The following GRID1 variants were observed in gnomAD, a reference collection of about 807,000 sequenced individuals.
GRID1 encodes the protein glutamate ionotropic receptor delta type subunit 1.
In GRID1, 28 loss-of-function variants were observed where a neutral mutation model predicts 98.0. The observed-to-expected ratio is 0.29, with a 90% CI of 0.21 to 0.39. The LOEUF (loss-of-function observed/expected upper bound fraction) is 0.39, where lower values mean the gene tolerates loss of function less well. Ranked by LOEUF, GRID1 falls within the 10% of genes least tolerant of loss-of-function variation. GRID1 has a pLI of 1.00. For missense variants in GRID1, 1,111 were observed against 1,340.5 expected (o/e 0.83, Z 2.67); for synonymous variants, 553 against 538.5 (o/e 1.03, Z -0.37).
At position 85,987,012 on chromosome 10, in the gene GRID1, G is replaced by A. The variant is rs184198555; in HGVS notation, c.727-70773C>T. On this transcript the variant is annotated intron_variant, in intron 4 of 15. Transcript: ENST00000327946. ...CCCAGTCTAAGCTGCAGATGAGTCA[G>A]GACTTTCCTGCCCCACCCTAACCAG... Among the ~76,000 whole-genome samples, 102 of 152,152 alleles carry A rather than the reference G, an allele frequency of 6.7e-4. 1 individual carries two copies. The highest frequency in any genetic ancestry group is 6.0e-3 in the Admixed American group (92 of 15,294).
At chr10:86,304,926 C>T (rs536935948) in intron 2 of GRID1, among the ~76,000 whole-genome samples, 1 of 152,026 alleles carries the variant, frequency 6.6e-6, no homozygotes, top group South Asian at 2.1e-4. Context: ...TCCCTGTCTG[C>T]GGTGGTTAAT....
chr10:85,680,198 G>A (rs1841191749), intron 12 of GRID1, among the ~76,000 whole-genome samples: 1 of 152,130 alleles, frequency 6.6e-6, no homozygotes. Flanking sequence ...ACCCAGAAGG[G>A]CCCAGCTTAA....
rs186143332 is a variant in GRID1, at chr10:85,703,763, G to T, written c.1997+19240C>A. On this transcript the variant is annotated intron_variant, in intron 12 of 15. Transcript: ENST00000327946. ...AAATTTGAAATGCACAAGTGGACATGAGAAAAATAAAATCATATATTTATA... is the reference window on the plus strand; with the variant it reads ...AAATTTGAAATGCACAAGTGGACATTAGAAAAATAAAATCATATATTTATA... 2.5e-4 allele frequency among the ~76,000 whole-genome samples: 38 copies of T among 152,130 alleles called. No homozygotes were observed. In the Middle Eastern group the frequency reaches 0.014, roughly 54 times the overall value.
At chr10:85,928,766 T>C (rs1174139764) in intron 4 of GRID1, among the ~76,000 whole-genome samples, 1 of 152,238 alleles carries the variant, frequency 6.6e-6, no homozygotes, top group Non-Finnish European at 1.5e-5. Context: ...TTCATCTTTA[T>C]CCTTGTAAAT....
chr10:86,281,838 T>C (rs1847361768), intron 2 of GRID1, among the ~76,000 whole-genome samples: 1 of 152,188 alleles, frequency 6.6e-6, no homozygotes, highest in South Asian at 2.1e-4. Flanking sequence ...GGCAGCCAGG[T>C]TGAGACCCTG....
rs563833452 is a variant in GRID1, at chr10:85,774,405, A to G, written c.1234-44791T>C. On this transcript the variant is annotated intron_variant, in intron 8 of 15. Transcript: ENST00000327946. ...AAACCTAGGCATTACCATTCAGGAC[A>G]TAGGCATGGGCAAGAACTTCATGTC... Among the ~76,000 whole-genome samples, 4 of 152,358 alleles carry G rather than the reference A, an allele frequency of 2.6e-5. No homozygotes were observed. In the East Asian group the frequency reaches 7.7e-4, roughly 29 times the overall value.
At chr10:85,762,427 G>A (rs2132699845) in intron 8 of GRID1, among the ~76,000 whole-genome samples, 1 of 152,250 alleles carries the variant, frequency 6.6e-6, no homozygotes, top group East Asian at 1.9e-4. Flanking sequence ...GTCATTTGAT[G>A]GTAAATCCAA....
intron 3 of GRID1, among the ~76,000 whole-genome samples, chr10:86,163,404 ATTTCT>A (rs1376587862): frequency 7.6e-6 from 1 of 131,002 alleles, no homozygotes; most frequent in Admixed American, 7.7e-5. Context: ...GTTTTGACGC[ATTTCT>A]TTTTTTTTTT....
intron 5 of GRID1, among the ~76,000 whole-genome samples, chr10:85,891,198 C>T (rs1258055353): frequency 6.6e-6 from 1 of 151,978 alleles, no homozygotes; most frequent in Non-Finnish European, 1.5e-5. Context: ...TTTTTTTTAT[C>T]CCTGAGGAGC....
chr10:86,315,404 G>A (rs184325703), intron 2 of GRID1, among the ~76,000 whole-genome samples: 3 of 152,316 alleles, frequency 2.0e-5, no homozygotes, highest in African/African-American at 7.2e-5. Flanking sequence ...AAAGCCCAGG[G>A]CAGGAACATG....
At position 86,214,213 on chromosome 10, in the gene GRID1, C is replaced by G. The variant is rs552321020; in HGVS notation, c.236-7565G>C. 2.0e-5 allele frequency among the ~76,000 whole-genome samples: 3 copies of G among 152,334 alleles called. No homozygotes were observed. In the East Asian group the frequency reaches 5.8e-4, roughly 29 times the overall value. ...ACCCTAATGGGACCCACAGGCCCAGCATACTCCACACCCTATGCCCTGCGT... is the reference window on the plus strand; with the variant it reads ...ACCCTAATGGGACCCACAGGCCCAGGATACTCCACACCCTATGCCCTGCGT... On this transcript the variant is annotated intron_variant, in intron 2 of 15. Transcript: ENST00000327946.
chr10:85,703,326 T>C (rs1253219347), intron 12 of GRID1, among the ~76,000 whole-genome samples: 1 of 152,012 alleles, frequency 6.6e-6, no homozygotes, highest in Non-Finnish European at 1.5e-5. Context: ...AATCATAGTA[T>C]AAAGAAACAT....
intron 4 of GRID1, among the ~76,000 whole-genome samples, chr10:86,083,699 A>G (rs1844010080): frequency 6.6e-6 from 1 of 152,190 alleles, no homozygotes; most frequent in African/African-American, 2.4e-5. Flanking sequence ...CTTCATCCCT[A>G]GGAAGAAGAA....
At chr10:86,349,073 G>A (rs1848428640) in intron 2 of GRID1, among the ~76,000 whole-genome samples, 1 of 152,222 alleles carries the variant, frequency 6.6e-6, no homozygotes, top group African/African-American at 2.4e-5. Context: ...AGTGCGGAGG[G>A]AGGCACTGGT....
intron 4 of GRID1, among the ~76,000 whole-genome samples, chr10:85,946,111 A>T (rs2131840972): frequency 6.6e-6 from 1 of 152,304 alleles, no homozygotes; most frequent in South Asian, 2.1e-4. Context: ...ATGAGAGAAA[A>T]ATGTCTTAGC....
intron 6 of GRID1, among the ~76,000 whole-genome samples, chr10:85,866,072 G>T (rs1843218485): frequency 6.7e-6 from 1 of 149,070 alleles, no homozygotes; most frequent in Non-Finnish European, 1.5e-5. Flanking sequence ...CTTATCAAGG[G>T]TCTTCAATGA....
At chr10:85,884,126 A>G (rs1841078655) in intron 5 of GRID1, among the ~76,000 whole-genome samples, 1 of 152,152 alleles carries the variant, frequency 6.6e-6, no homozygotes, top group African/African-American at 2.4e-5. Flanking sequence ...ACCACTTTAC[A>G]TTTGGCCTTC....
chr10:86,155,941 C>G lies in GRID1; in HGVS notation c.521-16917G>C, dbSNP rs191947705. Among the ~76,000 whole-genome samples, 624 of 152,284 alleles carry G rather than the reference C, an allele frequency of 4.1e-3. 10 individuals carry two copies. The highest frequency in any genetic ancestry group is 0.014 in the African/African-American group (582 of 41,554). On this transcript the variant is annotated intron_variant, in intron 3 of 15. Transcript: ENST00000327946. Reference sequence around the variant, plus strand: ...GTGCAAGGCATCAAGGGTGACCATGCCTGCTGATGGGGAGGACAAAGCCCC... The same window carrying G: ...GTGCAAGGCATCAAGGGTGACCATGGCTGCTGATGGGGAGGACAAAGCCCC...
chr10:86,365,848 C>T lies in GRID1; in HGVS notation c.79+466G>A, dbSNP rs1441547751. On this transcript the variant is annotated intron_variant, in intron 1 of 15. Transcript: ENST00000327946. The surrounding 1 kb of genome is among the most constrained non-coding windows in gnomAD (Gnocchi z 4.8). The stretch of plus-strand genomic sequence containing the variant: ...ACACCGACACCGTGCCAGGCGCACA[C>T]AGCGACACACGCTGACAACACGCAC... Among the ~76,000 whole-genome samples the T allele has an allele frequency of 6.6e-6, 1 of 152,168 alleles. No individual in the cohort carries two copies. Among genetic ancestry groups the T allele is most frequent in the Non-Finnish European group, 1.5e-5 (1 of 68,028 alleles).
Sources: allele counts gnomAD v4.1 joint callset (sites outside exome capture counted in the v4.1 genomes callset), GRCh38; gene constraint gnomAD v4.1.1; non-coding constraint Gnocchi (gnomAD v3.1); transcripts MANE v1.5; gene names NCBI Gene and HGNC (gene_info 2026-07-23, HGNC 2026-07-21).